The following ARMH4 variants were observed in gnomAD, a reference collection of about 807,000 sequenced individuals.
The protein encoded by ARMH4 is armadillo-like helical domain-containing protein 4.
ARMH4 carries 49 observed loss-of-function variants against 61.9 expected under a neutral mutation model. The ratio of observed to expected loss-of-function variants is 0.79; its 90% CI spans 0.63 to 1.00. The LOEUF (loss-of-function observed/expected upper bound fraction) is 1.00. Among genes scored for constraint, ARMH4 ranks in the 50% least tolerant of loss-of-function variants. ARMH4 has a pLI of 0.00. For synonymous variants in ARMH4, 368 were observed against 341.5 expected, an observed-to-expected ratio of 1.08 and a Z score of -0.85; for missense variants, 934 against 930.0, an observed-to-expected ratio of 1.00 and a Z score of -0.06.
intron 4 of ARMH4, among the ~76,000 whole-genome samples, chr14:58,124,693 C>T (rs577009764): frequency 4.0e-4 from 61 of 152,310 alleles, no homozygotes; most frequent in Middle Eastern, 3.4e-3. Context: ...CTCAAACCTA[C>T]GCTGCTCGAG....
intron 4 of ARMH4, among the ~76,000 whole-genome samples, chr14:58,130,862 T>C (rs1320608900): frequency 1.3e-5 from 2 of 152,316 alleles, no homozygotes; most frequent in African/African-American, 4.8e-5. Flanking sequence ...GTGGGGAAAC[T>C]CAACATCTCC....
At chr14:58,078,492 C>T (rs118167585) in intron 5 of ARMH4, among the ~76,000 whole-genome samples, 1 of 152,312 alleles carries the variant, frequency 6.6e-6, no homozygotes, top group Non-Finnish European at 1.5e-5. Flanking sequence ...GCAGTCACTG[C>T]TGGTTGCCTA....
intron 4 of ARMH4, among the ~76,000 whole-genome samples, chr14:58,115,028 C>T (rs1407440499): frequency 6.6e-6 from 1 of 152,022 alleles, no homozygotes; most frequent in African/African-American, 2.4e-5. Flanking sequence ...GGACATTGGC[C>T]TTGGCAAAGA....
intron 5 of ARMH4, among the ~76,000 whole-genome samples, chr14:58,077,815 T>A (rs772733918): frequency 6.6e-6 from 1 of 152,256 alleles, no homozygotes; most frequent in Non-Finnish European, 1.5e-5. Flanking sequence ...ACATCCTGTC[T>A]CTTTCTTCTG....
chr14:58,019,693 A>T (rs1229011327), intron 5 of ARMH4, among the ~76,000 whole-genome samples: 1 of 152,188 alleles, frequency 6.6e-6, no homozygotes, highest in Non-Finnish European at 1.5e-5. Context: ...CAGGAGACCA[A>T]GGCAGGAGAA....
intron 4 of ARMH4, among the ~76,000 whole-genome samples, chr14:58,098,967 G>A (rs2141267338): frequency 6.6e-6 from 1 of 152,218 alleles, no homozygotes; most frequent in African/African-American, 2.4e-5. Flanking sequence ...TTGGACTAGG[G>A]TACAATCTGG....
chr14:58,118,983 G>A (rs764598619), intron 4 of ARMH4, among the ~76,000 whole-genome samples: 6 of 152,168 alleles, frequency 3.9e-5, no homozygotes, highest in South Asian at 2.1e-4. Context: ...CTGCTAAAAC[G>A]TTGCAGATTC....
rs758643471 is a variant in ARMH4, at chr14:58,138,197, T to G, written c.1162A>C (p.Arg388=). The G allele has an allele frequency of 6.2e-7, 1 of 1,614,176 alleles. No individual in the cohort carries two copies. Among genetic ancestry groups the G allele is most frequent in the Non-Finnish European group, 8.5e-7 (1 of 1,180,028 alleles). ...CTTTGATCAGTGAAAGCAGGTGATC[T>G]CTCATTCCCATGCGCTATTAGCAGG... ...TALLIAHGNE[R]SPAFTDQSSF... The change falls in exon 2 of 8, where the codon AGA becomes CGA. Residue 388 remains arginine, a synonymous_variant. Transcript: ENST00000267485.
At chr14:58,005,749 A>T (rs1049453000) in intron 6 of ARMH4, among the ~76,000 whole-genome samples, 1 of 152,016 alleles carries the variant, frequency 6.6e-6, no homozygotes, top group Non-Finnish European at 1.5e-5. Flanking sequence ...GAAAACAAGG[A>T]AAAAAAAGGC....
At chr14:58,040,739 C>T (rs972307926) in intron 5 of ARMH4, among the ~76,000 whole-genome samples, 1 of 152,086 alleles carries the variant, frequency 6.6e-6, no homozygotes, top group African/African-American at 2.4e-5. Context: ...TATATTTTCC[C>T]ACCAAGATTT....
intron 5 of ARMH4, among the ~76,000 whole-genome samples, chr14:58,061,390 C>T (rs972932469): frequency 2.6e-5 from 4 of 152,176 alleles, no homozygotes; most frequent in Admixed American, 6.5e-5. Flanking sequence ...AAGCCACACA[C>T]GGGCCACTTC....
intron 2 of ARMH4, among the ~76,000 whole-genome samples, chr14:58,135,740 T>C (rs550808950): frequency 3.9e-5 from 6 of 152,238 alleles, no homozygotes; most frequent in Non-Finnish European, 7.4e-5. Flanking sequence ...CTGTTAATAA[T>C]ATCTAAAAAC....
intron 5 of ARMH4, among the ~76,000 whole-genome samples, chr14:58,046,980 G>C (rs930507139): frequency 1.3e-5 from 2 of 152,114 alleles, no homozygotes; most frequent in Admixed American, 1.3e-4. Flanking sequence ...TAGTGCACCA[G>C]TCACTAAAAT....
intron 5 of ARMH4, among the ~76,000 whole-genome samples, chr14:58,071,040 G>A (rs563654248): frequency 6.6e-6 from 1 of 151,888 alleles, no homozygotes; most frequent in African/African-American, 2.4e-5. Context: ...AATGGTTATA[G>A]TCCTACTAGC....
At chr14:58,073,966 T>G (rs897728238) in intron 5 of ARMH4, among the ~76,000 whole-genome samples, 5 of 152,220 alleles carry the variant, frequency 3.3e-5, no homozygotes, top group Non-Finnish European at 5.9e-5. Flanking sequence ...CATACAAATT[T>G]AACAAAGTAT....
chr14:58,071,735 G>C (rs1884889119), intron 5 of ARMH4, among the ~76,000 whole-genome samples: 1 of 152,220 alleles, frequency 6.6e-6, no homozygotes, highest in African/African-American at 2.4e-5. Context: ...GCAGTTTTCA[G>C]TATCTCAAGA....
intron 5 of ARMH4, among the ~76,000 whole-genome samples, chr14:58,029,150 A>G (rs1883124716): frequency 6.6e-6 from 1 of 151,828 alleles, no homozygotes; most frequent in Admixed American, 6.6e-5. Context: ...TTCTGTCTCT[A>G]TGGACTTACC....
intron 5 of ARMH4, among the ~76,000 whole-genome samples, chr14:58,025,101 G>A (rs975379431): frequency 5.9e-5 from 9 of 152,056 alleles, no homozygotes; most frequent in African/African-American, 1.4e-4. Context: ...AGGTTGCCAC[G>A]AACCCTCAAT....
At chr14:58,115,589 A>C (rs924513169) in intron 4 of ARMH4, among the ~76,000 whole-genome samples, 20 of 152,204 alleles carry the variant, frequency 1.3e-4, no homozygotes, top group African/African-American at 3.9e-4. Flanking sequence ...CCTAAAAAAA[A>C]CAAATAATTC....
Sources: allele counts gnomAD v4.1 joint callset (sites outside exome capture counted in the v4.1 genomes callset), GRCh38; gene constraint gnomAD v4.1.1; transcripts MANE v1.5; gene names NCBI Gene and HGNC (gene_info 2026-07-23, HGNC 2026-07-21).